Variants in RBFOX1 observed in about 807,000 individuals in gnomAD.
RBFOX1 encodes the protein RNA binding protein fox-1 homolog 1.
In RBFOX1, 8 loss-of-function variants were observed where a neutral mutation model predicts 57.7. The observed-to-expected ratio is 0.14, with a 90% CI of 0.08 to 0.25. The LOEUF (loss-of-function observed/expected upper bound fraction) is 0.25, where lower values mean the gene tolerates loss of function less well. Among genes scored for constraint, RBFOX1 ranks in the 10% least tolerant of loss-of-function variants. The probability of loss-of-function intolerance (pLI) is 1.00; values close to 1 mark genes in which losing one functional copy is unlikely to be tolerated. For missense variants in RBFOX1, 611 were observed against 548.5 expected (o/e 1.11, Z -1.14); for synonymous variants, 326 against 222.4 (o/e 1.47, Z -4.15).
intron 2 of RBFOX1, among the ~76,000 whole-genome samples, chr16:6,583,236 G>C (rs868809495): frequency 6.6e-6 from 1 of 152,134 alleles, no homozygotes; most frequent in Non-Finnish European, 1.5e-5. Context: ...ACTGTGGTCC[G>C]GGGCACATGG....
At chr16:6,711,834 C>T (rs568695612) in intron 3 of RBFOX1, among the ~76,000 whole-genome samples, 15 of 152,102 alleles carry the variant, frequency 9.9e-5, no homozygotes, top group African/African-American at 3.6e-4. Context: ...AGAAACCTTC[C>T]CCAGGTACCC....
chr16:6,551,784 G>C (rs567214351), intron 2 of RBFOX1, among the ~76,000 whole-genome samples: 11 of 152,144 alleles, frequency 7.2e-5, no homozygotes, highest in Non-Finnish European at 1.6e-4. Flanking sequence ...TTTTCCAACC[G>C]GGACGTCAGA....
intron 3 of RBFOX1, among the ~76,000 whole-genome samples, chr16:6,946,028 A>G (rs2079445714): frequency 6.6e-6 from 1 of 152,166 alleles, no homozygotes; most frequent in Non-Finnish European, 1.5e-5. Flanking sequence ...CTTTGCCTAC[A>G]CAGATGCTTC....
At position 6,091,522 on chromosome 16, in the gene RBFOX1, AG is replaced by A. The variant is rs541201051; in HGVS notation, c.-127+71532del. On this transcript the variant is annotated intron_variant, in intron 1 of 15. Transcript: ENST00000550418. ...TTCACTCCTCAACTGACTACATGGT[AG>A]GTATTCAAAAAAAACATTTGTTGAG... Among the ~76,000 whole-genome samples the A allele has an allele frequency of 4.7e-3, 478 of 101,082 alleles. 3 individuals carry two copies. The highest frequency in any genetic ancestry group is 6.6e-3 in the Non-Finnish European group (360 of 54,778). 66.3% of individuals were successfully genotyped at this position (101,082 alleles called of 152,430 possible). A position where few individuals can be genotyped will look rare whatever the true frequency, so the allele number is the denominator to read the frequency against.
intron 3 of RBFOX1, among the ~76,000 whole-genome samples, chr16:6,916,670 G>T (rs566555558): frequency 2.6e-4 from 40 of 151,972 alleles, no homozygotes; most frequent in Admixed American, 6.6e-4. Context: ...TTCCCAGGTC[G>T]TCCTTTTACC....
chr16:7,123,792 C>G (rs1021227751), intron 4 of RBFOX1, among the ~76,000 whole-genome samples: 2 of 152,050 alleles, frequency 1.3e-5, no homozygotes, highest in African/African-American at 2.4e-5. Context: ...TTATAAAGTA[C>G]ATTGTTTTAT....
At chr16:5,411,418 C>T (rs1341026987) in intron 1 of RBFOX1, among the ~76,000 whole-genome samples, 1 of 152,096 alleles carries the variant, frequency 6.6e-6, no homozygotes, top group African/African-American at 2.4e-5. Flanking sequence ...CAGGTGGCTT[C>T]TAGAAGTCGG....
chr16:5,599,494 C>A (rs977253375), exon 3 of RBFOX1: 1 of 472,704 alleles, frequency 2.1e-6, no homozygotes, highest in East Asian at 3.6e-5. Context: ...CAGGAAGTTC[C>A]CTGCACAGAT....
intron 4 of RBFOX1, among the ~76,000 whole-genome samples, chr16:7,320,283 G>C (rs1362117660): frequency 6.6e-6 from 1 of 151,892 alleles, no homozygotes; most frequent in Non-Finnish European, 1.5e-5. Flanking sequence ...CTGTATCCAT[G>C]TGTTCTCATT....
At chr16:5,473,058 T>G (rs993092832) in intron 2 of RBFOX1, among the ~76,000 whole-genome samples, 3 of 152,216 alleles carry the variant, frequency 2.0e-5, no homozygotes, top group Non-Finnish European at 4.4e-5. Flanking sequence ...TCAGAGCTGA[T>G]GTCCCTCCTC....
chr16:7,291,176 G>A lies in RBFOX1; in HGVS notation c.28-226971G>A, dbSNP rs972544063. Reference sequence around the variant, plus strand: ...GATATGTAGAAGAAGTACCAGTTACGTTGCAAGGTAAGATGTGCAGAACCA... The same window carrying A: ...GATATGTAGAAGAAGTACCAGTTACATTGCAAGGTAAGATGTGCAGAACCA... On this transcript the variant is annotated intron_variant, in intron 4 of 15. Coordinates refer to ENST00000550418, the MANE Select transcript of RBFOX1 (RefSeq NM_018723.4). Among the ~76,000 whole-genome samples the A allele has an allele frequency of 7.9e-5, 12 of 152,250 alleles. No individual in the cohort carries two copies. The East Asian group carries it at 1.4e-3, about 17-fold the overall frequency.
chr16:7,020,669 T>C (rs576816565), intron 3 of RBFOX1, among the ~76,000 whole-genome samples: 2 of 152,268 alleles, frequency 1.3e-5, no homozygotes, highest in East Asian at 1.9e-4. Context: ...GGAAATGACA[T>C]TGGACACTGT....
chr16:5,811,944 C>G (rs1473486881), intron 3 of RBFOX1, among the ~76,000 whole-genome samples: 1 of 152,172 alleles, frequency 6.6e-6, no homozygotes, highest in African/African-American at 2.4e-5. Flanking sequence ...CAACCTCCAG[C>G]TCCAGGGAAC....
chr16:5,940,767 G>A (rs925550407), intron 4 of RBFOX1, among the ~76,000 whole-genome samples: 1 of 152,134 alleles, frequency 6.6e-6, no homozygotes, highest in East Asian at 1.9e-4. Context: ...TCTTTGCTGA[G>A]GCCACAGCCG....
intron 14 of RBFOX1, among the ~76,000 whole-genome samples, chr16:7,686,169 C>G (rs1003431998): frequency 2.6e-5 from 4 of 151,318 alleles, no homozygotes; most frequent in Non-Finnish European, 4.4e-5. Context: ...GTGGGATTAT[C>G]GTGTTCTGTT....
intron 2 of RBFOX1, among the ~76,000 whole-genome samples, chr16:6,410,191 TG>T (rs1218707562): frequency 3.7e-4 from 56 of 150,898 alleles, no homozygotes; most frequent in African/African-American, 1.3e-3. Flanking sequence ...TGTGTGTGTG[TG>T]TGTGTGTGTG....
At chr16:6,879,478 C>A (rs368390783) in intron 3 of RBFOX1, among the ~76,000 whole-genome samples, 1 of 152,088 alleles carries the variant, frequency 6.6e-6, no homozygotes, top group Non-Finnish European at 1.5e-5. Context: ...TGATTGATGA[C>A]CCCATCATGA....
intron 4 of RBFOX1, among the ~76,000 whole-genome samples, chr16:7,077,464 C>G (rs555120682): frequency 9.9e-5 from 15 of 152,172 alleles, no homozygotes; most frequent in Non-Finnish European, 2.1e-4. Context: ...ACGAACTAAT[C>G]TGTGAATAAC....
chr16:5,676,800 T>G (rs1331534187), intron 3 of RBFOX1, among the ~76,000 whole-genome samples: 1 of 152,004 alleles, frequency 6.6e-6, no homozygotes, highest in African/African-American at 2.4e-5. Context: ...AGACAAAGGT[T>G]GCAGTGATCC....
Sources: gnomAD v4.1 joint callset for allele counts (sites outside exome capture counted in the v4.1 genomes callset) on GRCh38, gnomAD v4.1.1 for gene constraint, MANE v1.5 for transcripts, NCBI Gene and HGNC (gene_info 2026-07-23, HGNC 2026-07-21) for gene names.